The following TBC1D16 variants were observed in gnomAD, a reference collection of about 807,000 sequenced individuals.
TBC1D16 encodes TBC1 domain family member 16.
Under a neutral mutation model 74.7 loss-of-function variants are expected in TBC1D16, and 58 were observed. The observed-to-expected ratio is 0.78, with a 90% CI of 0.63 to 0.97. The LOEUF is 0.97. TBC1D16 is among the 50% of genes least tolerant of loss of function. TBC1D16 has a pLI of 0.00. For synonymous variants in TBC1D16, 493 were observed against 474.7 expected (o/e 1.04, Z -0.50); for missense variants, 1,014 against 1,079.5 (o/e 0.94, Z 0.85).
In TBC1D16 at chr17:79,937,872, T is replaced by G. The variant is rs934930453; in HGVS notation, c.*2987A>C. 6.6e-6 allele frequency: 1 copy of G among 150,712 alleles called. No individual in the cohort carries two copies. Among genetic ancestry groups the G allele is most frequent in the Non-Finnish European group, 1.5e-5 (1 of 67,086 alleles). The allele number at this position is 150,712 out of a possible 1,614,324, so 9.3% of individuals were successfully genotyped here. On this transcript the variant is annotated 3_prime_UTR_variant, in exon 12 of 12. Transcript: ENST00000310924. ...CTCTTCCCAGAGGCCCTGAGCAACA[T>G]CGGGCGACGCTGTCAGCAGACATTA...
intron 9 of TBC1D16, among the ~76,000 whole-genome samples, chr17:79,946,719 C>T (rs891502384): frequency 6.6e-6 from 1 of 152,236 alleles, no homozygotes; most frequent in African/African-American, 2.4e-5. Flanking sequence ...ACCCTCACTA[C>T]TTGTGACGGG....
At chr17:79,970,652 G>A (rs1259328175) in intron 3 of TBC1D16, among the ~76,000 whole-genome samples, 1 of 152,148 alleles carries the variant, frequency 6.6e-6, no homozygotes, top group Non-Finnish European at 1.5e-5. Flanking sequence ...ACGGGTCATG[G>A]GGTGCTCTAA....
intron 3 of TBC1D16, among the ~76,000 whole-genome samples, chr17:80,003,506 A>G (rs1477667108): frequency 6.6e-6 from 1 of 152,206 alleles, no homozygotes. Flanking sequence ...CCTCTTCACT[A>G]GTTAGCAGCG....
Position 79,950,622 on chromosome 17 carries a change from G to C in TBC1D16, c.1090-44C>G. 1 of 1,595,444 alleles carries C rather than the reference G, an allele frequency of 6.3e-7. No individual in the cohort carries two copies. The highest frequency in any genetic ancestry group is 8.5e-7 in the Non-Finnish European group (1 of 1,171,222). ...GGGCAAAGGTCAGGATCTCAGCCGC[G>C]CGGCTTCAGAGGCCAGCAGTGCTTT... On this transcript the variant is annotated intron_variant, in intron 5 of 11. Coordinates refer to ENST00000310924, the MANE Select transcript of TBC1D16 (RefSeq NM_019020.4). This position sits in a 1 kb window ranked among gnomAD's most constrained non-coding sequence, Gnocchi z 4.6.
At chr17:80,013,983 T>G (rs1369838249) in intron 1 of TBC1D16, among the ~76,000 whole-genome samples, 1 of 151,952 alleles carries the variant, frequency 6.6e-6, no homozygotes, top group Non-Finnish European at 1.5e-5. Context: ...CACAAAAACG[T>G]TTTTTTCACA....
Position 80,028,478 on chromosome 17 carries a change from A to G in TBC1D16, c.-63+7317T>C, listed in dbSNP as rs561386885. On this transcript the variant is annotated intron_variant, in intron 1 of 11. Coordinates refer to ENST00000310924, the MANE Select transcript of TBC1D16 (RefSeq NM_019020.4). ...CAGGAGGCAGAGGTTACAGTGAGCC[A>G]AGATGGCACCATTGCACTCCAGCCT... 2.9e-4 allele frequency among the ~76,000 whole-genome samples: 44 copies of G among 151,860 alleles called. No homozygotes were observed. The South Asian group carries it at 8.6e-3, about 30-fold the overall frequency.
In TBC1D16 at chr17:79,947,650, G is replaced by A; in HGVS notation, c.1723C>T (p.Gln575Ter). The change falls in exon 9 of 12, where the codon CAA (glutamine) becomes TAA (stop). Residue 575 changes from glutamine to a stop codon, truncating the protein, a stop_gained. Transcript: ENST00000310924. LOFTEE classifies it high-confidence loss of function. ...SSPRDEDMEK[Q>*]LLYLRELLRL... ...CCCATCCCCCTGAGCCTCACCAGTT[G>A]TTTCTCCATGTCCTCGTCCCGGGGT... 1.2e-6 allele frequency: 2 copies of A among 1,614,078 alleles called. No homozygotes were observed. Among genetic ancestry groups the A allele is most frequent in the Non-Finnish European group, 8.5e-7 (1 of 1,179,984 alleles).
At chr17:79,968,331 A>G (rs2033925269) in intron 3 of TBC1D16, among the ~76,000 whole-genome samples, 1 of 152,214 alleles carries the variant, frequency 6.6e-6, no homozygotes, top group South Asian at 2.1e-4. Context: ...CTTTTCAGCA[A>G]ATGGCACAGA....
chr17:79,958,825 G>A (rs1200021808), intron 3 of TBC1D16, among the ~76,000 whole-genome samples: 2 of 151,914 alleles, frequency 1.3e-5, no homozygotes, highest in Non-Finnish European at 1.5e-5. Flanking sequence ...TTTCCCCCAA[G>A]AGCAGGAACA....
chr17:80,030,806 C>A (rs995856187), intron 1 of TBC1D16, among the ~76,000 whole-genome samples: 1 of 152,060 alleles, frequency 6.6e-6, no homozygotes, highest in Non-Finnish European at 1.5e-5. Flanking sequence ...CGGGACGCAG[C>A]CCACCACCGA....
At chr17:79,945,229 C>T in intron 9 of TBC1D16, 142 bp from the exon 10 acceptor site, 1 of 872,708 alleles carries the variant, frequency 1.1e-6, no homozygotes, top group Non-Finnish European at 1.7e-6. Context: ...CTGCATGTGC[C>T]TGCCCCCCCA....
intron 3 of TBC1D16, among the ~76,000 whole-genome samples, chr17:79,953,289 C>T (rs1381431528): frequency 6.6e-6 from 1 of 152,206 alleles, no homozygotes; most frequent in Non-Finnish European, 1.5e-5. Context: ...TGGTTTAAAC[C>T]AGCTCACTGT....
At chr17:80,024,753 C>T (rs62647778) in intron 1 of TBC1D16, among the ~76,000 whole-genome samples, 144,087 of 146,612 alleles carry the variant, frequency 0.98, 70,925 homozygotes, top group Non-Finnish European at 0.99. Context: ...AAGACACACA[C>T]ACTACATACA....
At position 79,944,907 on chromosome 17, in the gene TBC1D16, C is replaced by G; in HGVS notation, c.1908+1G>C. ...CCAGCCCTGGCCCCTGCCCTGGTCA[C>G]CTGGTAGTGGGCCCAGCAGGCCTCC... On this transcript the variant is annotated splice_donor_variant, in intron 10 of 11. Transcript: ENST00000310924. LOFTEE classifies it high-confidence loss of function. This position sits in a 1 kb window ranked among gnomAD's most constrained non-coding sequence, Gnocchi z 7.7. The G allele has an allele frequency of 6.5e-7, 1 of 1,549,394 alleles. No individual in the cohort carries two copies. The highest frequency in any genetic ancestry group is 8.7e-7 in the Non-Finnish European group (1 of 1,146,708).
chr17:79,967,705 C>T (rs1199307505), intron 3 of TBC1D16, among the ~76,000 whole-genome samples: 2 of 152,178 alleles, frequency 1.3e-5, no homozygotes, highest in African/African-American at 4.8e-5. Flanking sequence ...CAGTTCCTAT[C>T]AAAATCCCAG....
Position 79,948,901 on chromosome 17 carries a change from C to T in TBC1D16, c.1512G>A (p.Gly504=), listed in dbSNP as rs750828685. 8 of 1,614,130 alleles carry T rather than the reference C, an allele frequency of 5.0e-6. No homozygotes were observed. In the Admixed American group the frequency reaches 6.7e-5, roughly 13 times the overall value. The change falls in exon 8 of 12, where the codon GGG becomes GGA. Residue 504 remains glycine, a synonymous_variant. Coordinates refer to ENST00000310924, the MANE Select transcript of TBC1D16 (RefSeq NM_019020.4). Reference sequence around the variant, plus strand: ...TGCTCTCCACATTGGGATTGTCTTCCCCCCGGAAGAACTGGTTGTTCCGAT... The same window carrying T: ...TGCTCTCCACATTGGGATTGTCTTCTCCCCGGAAGAACTGGTTGTTCCGAT... The part of the protein sequence containing the change: ...RTDRNNQFFR[G]EDNPNVESMR...
intron 3 of TBC1D16, among the ~76,000 whole-genome samples, chr17:79,978,119 C>T (rs768878360): frequency 3.3e-5 from 5 of 152,162 alleles, no homozygotes; most frequent in Non-Finnish European, 7.4e-5. Context: ...TCGGGAGCGC[C>T]GACATCCCGC....
At chr17:80,019,421 A>C (rs185506278) in intron 1 of TBC1D16, among the ~76,000 whole-genome samples, 1 of 138,804 alleles carries the variant, frequency 7.2e-6, no homozygotes, top group African/African-American at 3.0e-5. Flanking sequence ...ATCACCCGCC[A>C]CCTGGGACAC....
intron 1 of TBC1D16, among the ~76,000 whole-genome samples, chr17:80,034,429 T>G (rs1204149660): frequency 6.6e-6 from 1 of 152,172 alleles, no homozygotes; most frequent in African/African-American, 2.4e-5. Flanking sequence ...CTCGAACTCC[T>G]GACCTCAGGT....
Sources: gnomAD v4.1 joint callset for allele counts (sites outside exome capture counted in the v4.1 genomes callset) on GRCh38, gnomAD v4.1.1 for gene constraint, Gnocchi (gnomAD v3.1) non-coding constraint, MANE v1.5 for transcripts, NCBI Gene and HGNC (gene_info 2026-07-23, HGNC 2026-07-21) for gene names.